The following PRKAR1B variants were observed in gnomAD, a reference collection of about 807,000 sequenced individuals.
PRKAR1B encodes cAMP-dependent protein kinase type I-beta regulatory subunit.
In PRKAR1B, 22 loss-of-function variants were observed where a neutral mutation model predicts 46.5. That is an observed-to-expected ratio of 0.47 (90% CI 0.34 to 0.68). The LOEUF is 0.68. PRKAR1B is among the 30% of genes least tolerant of loss of function. The pLI, the probability that PRKAR1B is intolerant of heterozygous loss-of-function variation, is 0.01. For synonymous variants in PRKAR1B, 259 were observed against 217.7 expected, an observed-to-expected ratio of 1.19 and a Z score of -1.67; for missense variants, 445 against 535.6, an observed-to-expected ratio of 0.83 and a Z score of 1.67.
intron 1 of PRKAR1B, among the ~76,000 whole-genome samples, chr7:718,500 G>A (rs555871852): frequency 1.1e-3 from 160 of 151,840 alleles, no homozygotes; most frequent in Middle Eastern, 3.4e-3. Flanking sequence ...GGGATTACAG[G>A]TGGGCACCAC....
intron 4 of PRKAR1B, among the ~76,000 whole-genome samples, chr7:650,069 C>T (rs1257047625): frequency 2.0e-5 from 3 of 151,604 alleles, no homozygotes; most frequent in African/African-American, 7.3e-5. Flanking sequence ...CCTCCTGCCT[C>T]AGCCTCCTAG....
chr7:588,360 G>A (rs552861994), intron 7 of PRKAR1B, among the ~76,000 whole-genome samples: 2 of 152,332 alleles, frequency 1.3e-5, no homozygotes, highest in East Asian at 1.9e-4. Context: ...TGCCTCACTG[G>A]GTCATTATGA....
At chr7:627,017 G>A (rs1783442419) in intron 4 of PRKAR1B, among the ~76,000 whole-genome samples, 1 of 152,204 alleles carries the variant, frequency 6.6e-6, no homozygotes. Flanking sequence ...TGGGACTACA[G>A]GCACCCGCCA....
chr7:583,428 A>G (rs1562537073), intron 8 of PRKAR1B, among the ~76,000 whole-genome samples: 2 of 53,922 alleles, frequency 3.7e-5, no homozygotes, highest in East Asian at 3.8e-4. Context: ...GCACACACGC[A>G]CACACCCACA....
At chr7:713,850 G>A (rs146191373) in intron 1 of PRKAR1B, among the ~76,000 whole-genome samples, 1 of 152,218 alleles carries the variant, frequency 6.6e-6, no homozygotes. Flanking sequence ...ACCCTCGGGG[G>A]TCAAACACGA....
chr7:584,362 G>A, intron 8 of PRKAR1B, 146 bp downstream of exon 8: 1 of 666,184 alleles, frequency 1.5e-6, no homozygotes, highest in Non-Finnish European at 2.7e-6. Flanking sequence ...GTCTGTGCGT[G>A]AGCATGCCTG....
At chr7:610,668 G>A (rs376876632) in intron 4 of PRKAR1B, among the ~76,000 whole-genome samples, 4 of 152,042 alleles carry the variant, frequency 2.6e-5, no homozygotes, top group Non-Finnish European at 2.9e-5. Flanking sequence ...CCCCCCGCAC[G>A]GCTTCACCCT....
At chr7:659,063 C>G (rs1024625382) in intron 4 of PRKAR1B, among the ~76,000 whole-genome samples, 1 of 145,734 alleles carries the variant, frequency 6.9e-6, no homozygotes, top group Non-Finnish European at 1.6e-5. Flanking sequence ...AGCACAGACA[C>G]TCTGCGGAGA....
intron 4 of PRKAR1B, among the ~76,000 whole-genome samples, chr7:649,038 C>T (rs1784760009): frequency 6.6e-6 from 1 of 151,910 alleles, no homozygotes; most frequent in Non-Finnish European, 1.5e-5. Flanking sequence ...GTGGCGGGTA[C>T]CTGTAATCTC....
chr7:596,188 C>T lies in PRKAR1B; in HGVS notation c.666G>A (p.Lys222=). The T allele has an allele frequency of 6.2e-7, 1 of 1,614,040 alleles. No homozygotes were observed. Among genetic ancestry groups the T allele is most frequent in the Non-Finnish European group, 8.5e-7 (1 of 1,179,982 alleles). Reference sequence around the variant, plus strand: ...AGCTGTCCCGGTCGATCCCCCAGAGCTTGAGGTCCGTCTTGGCTTTCACGG... The same window carrying T: ...AGCTGTCCCGGTCGATCCCCCAGAGTTTGAGGTCCGTCTTGGCTTTCACGG... The part of the protein sequence containing the change: ...AATVKAKTDL[K]LWGIDRDSYR... Residue 222 remains lysine (K), a synonymous_variant, in exon 7 of 11, where the codon AAG becomes AAA. Coordinates refer to ENST00000537384, the MANE Select transcript of PRKAR1B (RefSeq NM_001164760.2).
At chr7:651,182 T>C (rs530942687) in intron 4 of PRKAR1B, among the ~76,000 whole-genome samples, 82 of 152,286 alleles carry the variant, frequency 5.4e-4, no homozygotes, top group African/African-American at 1.9e-3. Flanking sequence ...GGACCCAGCA[T>C]ACAGCCAGGC....
chr7:680,737 G>C lies in PRKAR1B; in HGVS notation c.178-11C>G. On this transcript the variant is annotated splice_polypyrimidine_tract_variant and intron_variant, in intron 2 of 10. Coordinates refer to ENST00000537384, the MANE Select transcript of PRKAR1B (RefSeq NM_001164760.2). ...CTGCCTGTTTTCTTCCTGTGTGGGA[G>C]AGGAAAACACAGAAAGGAAGTAAGA... The C allele has an allele frequency of 6.2e-7, 1 of 1,613,820 alleles. No homozygotes were observed. The highest frequency in any genetic ancestry group is 8.5e-7 in the Non-Finnish European group (1 of 1,179,974).
In PRKAR1B at chr7:644,644, C is replaced by T. The variant is rs1053693329; in HGVS notation, c.440+32585G>A. Among the ~76,000 whole-genome samples the T allele has an allele frequency of 3.3e-5, 5 of 152,184 alleles. No homozygotes were observed. Among genetic ancestry groups the T allele is most frequent in the Admixed American group, 2.0e-4 (3 of 15,282 alleles). ...GCCGTTCTCAGCCTCAGCAGCTGAG[C>T]GTCCACCCCCAGGCCTCCGGACAGG... On this transcript the variant is annotated intron_variant, in intron 4 of 10. Coordinates refer to ENST00000537384, the MANE Select transcript of PRKAR1B (RefSeq NM_001164760.2). The surrounding 1 kb of genome is among the most constrained non-coding windows in gnomAD (Gnocchi z 4.9).
intron 4 of PRKAR1B, among the ~76,000 whole-genome samples, chr7:632,878 C>T (rs372174109): frequency 3.3e-5 from 5 of 152,092 alleles, no homozygotes; most frequent in Admixed American, 6.5e-5. Flanking sequence ...CCCCGACGGC[C>T]GGCACCCGTC....
At chr7:595,695 T>C (rs1781234319) in intron 7 of PRKAR1B, among the ~76,000 whole-genome samples, 3 of 152,154 alleles carry the variant, frequency 2.0e-5, no homozygotes, top group Non-Finnish European at 4.4e-5. Flanking sequence ...GGTACGTGGC[T>C]CAGAGTAGAT....
chr7:668,682 G>C lies in PRKAR1B; in HGVS notation c.440+8547C>G, dbSNP rs577057647. Among the ~76,000 whole-genome samples, 27 of 152,308 alleles carry C rather than the reference G, an allele frequency of 1.8e-4. 1 individual carries two copies. Among genetic ancestry groups the C allele is most frequent in the African/African-American group, 6.5e-4 (27 of 41,572 alleles). ...ATGTCGTTCTGATTCTCAGGGCCAA[G>C]GGCACAGGACCCAGCACTGGACATA... On this transcript the variant is annotated intron_variant, in intron 4 of 10. Transcript: ENST00000537384.
intron 4 of PRKAR1B, among the ~76,000 whole-genome samples, chr7:641,119 A>AT (rs1186415351): frequency 6.6e-6 from 1 of 151,784 alleles, no homozygotes; most frequent in Non-Finnish European, 1.5e-5. Context: ...CGCCCGGCTA[A>AT]TTTTTTGTAT....
At chr7:708,782 C>G (rs1345747944) in intron 2 of PRKAR1B, among the ~76,000 whole-genome samples, 2 of 150,422 alleles carry the variant, frequency 1.3e-5, no homozygotes, top group African/African-American at 4.9e-5. Context: ...TCACTGTGCC[C>G]GGCCCCAATT....
At chr7:678,211 A>G (rs1770707738) in intron 3 of PRKAR1B, among the ~76,000 whole-genome samples, 1 of 152,168 alleles carries the variant, frequency 6.6e-6, no homozygotes, top group Admixed American at 6.5e-5. Flanking sequence ...GGAGGTTGCC[A>G]TGAGGCAAGA....
Sources: allele counts gnomAD v4.1 joint callset (sites outside exome capture counted in the v4.1 genomes callset), GRCh38; gene constraint gnomAD v4.1.1; non-coding constraint Gnocchi (gnomAD v3.1); transcripts MANE v1.5; gene names NCBI Gene and HGNC (gene_info 2026-07-23, HGNC 2026-07-21).